Variants in MAGI1 observed in about 807,000 individuals in gnomAD.
MAGI1 encodes membrane-associated guanylate kinase, WW and PDZ domain-containing protein 1.
MAGI1 carries 58 observed loss-of-function variants against 139.9 expected under a neutral mutation model. The observed-to-expected ratio is 0.41, with a 90% confidence interval of 0.34 to 0.52. MAGI1 has a LOEUF of 0.52. Ranked by LOEUF, MAGI1 falls within the 20% of genes least tolerant of loss-of-function variation. The pLI, the probability that MAGI1 is intolerant of heterozygous loss-of-function variation, is 0.12. For synonymous variants in MAGI1, 812 were observed against 737.9 expected (o/e 1.10, Z -1.63); for missense variants, 1,874 against 1,901.6 (o/e 0.99, Z 0.27).
At chr3:65,758,668 G>T (rs1264135316) in intron 1 of MAGI1, among the ~76,000 whole-genome samples, 2 of 152,140 alleles carry the variant, frequency 1.3e-5, no homozygotes, top group African/African-American at 4.8e-5. Flanking sequence ...AGTGGGTAGA[G>T]ACCAGGGATA....
intron 5 of MAGI1, chr3:65,469,763 C>G (rs992866245): frequency 1.3e-5 from 2 of 151,216 alleles, no homozygotes; most frequent in Middle Eastern, 3.4e-3. Context: ...AGACAATGAA[C>G]AGAAAAGCCA....
At chr3:65,661,264 C>T (rs943104174) in intron 1 of MAGI1, among the ~76,000 whole-genome samples, 6 of 152,190 alleles carry the variant, frequency 3.9e-5, no homozygotes, top group Non-Finnish European at 5.9e-5. Flanking sequence ...AGGCAAAACC[C>T]CCATTATCAT....
chr3:65,695,718 G>A (rs2089119062), intron 1 of MAGI1, among the ~76,000 whole-genome samples: 1 of 152,060 alleles, frequency 6.6e-6, no homozygotes, highest in Non-Finnish European at 1.5e-5. Flanking sequence ...TTGAATTGTT[G>A]GAAAAGAAAT....
At chr3:65,646,706 T>G (rs1432896117) in intron 1 of MAGI1, among the ~76,000 whole-genome samples, 2 of 152,106 alleles carry the variant, frequency 1.3e-5, no homozygotes, top group African/African-American at 4.8e-5. Flanking sequence ...ATGTGTTCTC[T>G]AAATAGAAGA....
chr3:65,789,934 T>A (rs912220227), intron 1 of MAGI1, among the ~76,000 whole-genome samples: 1 of 152,200 alleles, frequency 6.6e-6, no homozygotes, highest in Non-Finnish European at 1.5e-5. Flanking sequence ...AATCTCATAG[T>A]CCATGAGATA....
chr3:65,443,920 T>G (rs936931417), intron 7 of MAGI1, among the ~76,000 whole-genome samples: 1 of 152,160 alleles, frequency 6.6e-6, no homozygotes, highest in Non-Finnish European at 1.5e-5. Context: ...TAAATAATGA[T>G]GTCATCAGGG....
chr3:65,694,675 A>G (rs977652581), intron 1 of MAGI1, among the ~76,000 whole-genome samples: 2 of 152,238 alleles, frequency 1.3e-5, no homozygotes, highest in African/African-American at 4.8e-5. Context: ...TGCTGCAAAT[A>G]GTAGTGCCCA....
At chr3:65,549,694 G>A (rs558307112) in intron 2 of MAGI1, among the ~76,000 whole-genome samples, 1 of 152,216 alleles carries the variant, frequency 6.6e-6, no homozygotes, top group Admixed American at 6.5e-5. Flanking sequence ...GCCTTGGACG[G>A]GGGTAGGGGT....
rs189375938 is a variant in MAGI1 at position 65,619,032 on chromosome 3, T to A, written c.430+2940A>T. On this transcript the variant is annotated intron_variant, in intron 2 of 22. Coordinates refer to ENST00000402939, the MANE Select transcript of MAGI1 (RefSeq NM_001033057.2). ...TGTAGAAATAATAAAAGTTCTTGAATAAAGGGAAGATAAAAGGGGAGTGGA... is the reference window on the plus strand; with the variant it reads ...TGTAGAAATAATAAAAGTTCTTGAAAAAAGGGAAGATAAAAGGGGAGTGGA... Among the ~76,000 whole-genome samples, 403 of 152,230 alleles carry A rather than the reference T, an allele frequency of 2.6e-3. 1 individual carries two copies. Among genetic ancestry groups the A allele is most frequent in the Non-Finnish European group, 4.7e-3 (320 of 67,994 alleles).
chr3:65,383,475 A>G, intron 15 of MAGI1, 57 bp downstream of exon 15: 2 of 1,325,476 alleles, frequency 1.5e-6, no homozygotes, highest in African/African-American at 2.9e-5. Flanking sequence ...ACTGTCGCCA[A>G]TTTGCTTTGA....
chr3:65,591,389 A>G (rs2081958076), intron 2 of MAGI1, among the ~76,000 whole-genome samples: 1 of 151,922 alleles, frequency 6.6e-6, no homozygotes, highest in South Asian at 2.1e-4. Flanking sequence ...GCATGAGTCT[A>G]CTCTCAAAAT....
At chr3:65,888,825 G>C (rs62245749) in intron 1 of MAGI1, among the ~76,000 whole-genome samples, 7,723 of 152,220 alleles carry the variant, frequency 0.051, 272 homozygotes, top group Middle Eastern at 0.13. Context: ...AAATCTGACA[G>C]ATGGAAAATG....
At chr3:65,778,430 CAA>C (rs35399058) in intron 1 of MAGI1, among the ~76,000 whole-genome samples, 1 of 83,942 alleles carries the variant, frequency 1.2e-5, no homozygotes, top group Non-Finnish European at 2.3e-5. Context: ...AACTCTGTCT[CAA>C]AAAAAAAAAA....
At chr3:65,850,270 T>G (rs945179869) in intron 1 of MAGI1, among the ~76,000 whole-genome samples, 7 of 152,204 alleles carry the variant, frequency 4.6e-5, no homozygotes, top group Non-Finnish European at 1.0e-4. Flanking sequence ...CAAACTAGAA[T>G]GACCAACTGT....
chr3:65,544,480 T>C (rs779786887), intron 2 of MAGI1, among the ~76,000 whole-genome samples: 8 of 152,184 alleles, frequency 5.3e-5, no homozygotes, highest in Non-Finnish European at 1.2e-4. Flanking sequence ...AGTAGGGCTT[T>C]GTTCTAGACT....
At chr3:65,423,557 T>G (rs1054856310) in intron 12 of MAGI1, among the ~76,000 whole-genome samples, 11 of 152,234 alleles carry the variant, frequency 7.2e-5, no homozygotes, top group African/African-American at 2.7e-4. Flanking sequence ...CTTTACTCAT[T>G]TCTTTATGCA....
intron 1 of MAGI1, among the ~76,000 whole-genome samples, chr3:65,629,398 T>G (rs1418503226): frequency 6.6e-6 from 1 of 152,212 alleles, no homozygotes; most frequent in East Asian, 1.9e-4. Flanking sequence ...CAGTTCAAAT[T>G]TTCAATGCTA....
rs193282415 is a variant in MAGI1 at position 65,929,081 on chromosome 3, C to A, written c.313+108915G>T. 2.4e-4 allele frequency among the ~76,000 whole-genome samples: 37 copies of A among 151,604 alleles called. No homozygotes were observed. In the East Asian group the frequency reaches 3.3e-3, roughly 14 times the overall value. On this transcript the variant is annotated intron_variant, in intron 1 of 22. Coordinates refer to ENST00000402939, the MANE Select transcript of MAGI1 (RefSeq NM_001033057.2). ...AGCGGGAGGGATCACTTAAGCCCAG[C>A]AGGTCGAGGCTGCAGTGAGCCATGA...
chr3:65,786,608 A>ATTTT (rs34768515), intron 1 of MAGI1, among the ~76,000 whole-genome samples: 2 of 128,372 alleles, frequency 1.6e-5, no homozygotes, highest in Non-Finnish European at 3.2e-5. Context: ...TGGCCCAAGA[A>ATTTT]TTTTTTTTTT....
Sources: allele counts gnomAD v4.1 joint callset (sites outside exome capture counted in the v4.1 genomes callset), GRCh38; gene constraint gnomAD v4.1.1; transcripts MANE v1.5; gene names NCBI Gene and HGNC (gene_info 2026-07-23, HGNC 2026-07-21).